BBS9: variants seen among roughly 807,000 people sequenced by gnomAD.
BBS9 encodes protein PTHB1.
A neutral mutation model predicts 117.7 loss-of-function variants in BBS9; 89 were observed. The observed-to-expected ratio is 0.76, with a 90% CI of 0.64 to 0.90. The LOEUF is 0.90. BBS9 is among the 40% of genes least tolerant of loss of function. The pLI is 0.00. For synonymous variants in BBS9, 379 were observed against 370.9 expected (o/e 1.02, Z -0.25); for missense variants, 982 against 1,042.2 (o/e 0.94, Z 0.80).
chr7:33,214,336 C>G (rs1788627048), intron 5 of BBS9, among the ~76,000 whole-genome samples: 1 of 152,134 alleles, frequency 6.6e-6, no homozygotes, highest in African/African-American at 2.4e-5. Flanking sequence ...AGACTCTACA[C>G]TGGGGTATGA....
chr7:33,171,136 G>T (rs886802084), intron 4 of BBS9, among the ~76,000 whole-genome samples: 6 of 152,090 alleles, frequency 3.9e-5, no homozygotes, highest in Non-Finnish European at 7.3e-5. Context: ...AAAAGAGCCC[G>T]CATCGCCAAG....
intron 5 of BBS9, among the ~76,000 whole-genome samples, chr7:33,209,061 T>C (rs1787518718): frequency 7.2e-5 from 11 of 152,176 alleles, no homozygotes. Context: ...CTTTCTATTT[T>C]TTTGTACATT....
At chr7:33,228,096 A>G (rs1791640154) in intron 5 of BBS9, among the ~76,000 whole-genome samples, 1 of 152,188 alleles carries the variant, frequency 6.6e-6, no homozygotes, top group Admixed American at 6.5e-5. Flanking sequence ...TCTCACCAGC[A>G]GTGTAAAAGT....
chr7:33,255,990 C>G (rs1383172544), intron 5 of BBS9, among the ~76,000 whole-genome samples: 2 of 152,018 alleles, frequency 1.3e-5, no homozygotes, highest in Admixed American at 6.6e-5. Flanking sequence ...AACCCTGTCT[C>G]TACTAAAAGT....
chr7:33,618,597 G>A (rs1198801273), intron 21 of BBS9, among the ~76,000 whole-genome samples: 1 of 152,068 alleles, frequency 6.6e-6, no homozygotes, highest in East Asian at 1.9e-4. Flanking sequence ...GCTCACACCT[G>A]TAATCCCAAC....
rs191814955 is a variant in BBS9 at position 33,381,561 on chromosome 7, C to T, written c.1790-2105C>T. 9.4e-3 allele frequency among the ~76,000 whole-genome samples: 1,430 copies of T among 152,130 alleles called. 11 individuals carry two copies. Among genetic ancestry groups the T allele is most frequent in the Admixed American group, 0.014 (217 of 15,286 alleles). On this transcript the variant is annotated intron_variant, in intron 17 of 22. Coordinates refer to ENST00000242067, the MANE Select transcript of BBS9 (RefSeq NM_198428.3). ...TTATCATCATTATTCTCCCATCTAC[C>T]TCTCTACCCCTGCCCCGCCACAACT...
chr7:33,452,196 T>G (rs550767029), intron 19 of BBS9, among the ~76,000 whole-genome samples: 1 of 130,740 alleles, frequency 7.6e-6, no homozygotes, highest in East Asian at 3.6e-4. Context: ...TATTTTTATC[T>G]TTTTTTTTTT....
chr7:33,419,842 C>T (rs1464042930), intron 19 of BBS9, among the ~76,000 whole-genome samples: 2 of 151,934 alleles, frequency 1.3e-5, no homozygotes, highest in Non-Finnish European at 2.9e-5. Context: ...CTTAAAATTA[C>T]CTTGAATTTT....
At chr7:33,613,546 GA>G (rs979270046) in intron 21 of BBS9, among the ~76,000 whole-genome samples, 12 of 151,914 alleles carry the variant, frequency 7.9e-5, no homozygotes, top group African/African-American at 2.9e-4. Context: ...TTGGAAATAT[GA>G]CTTGTATGCA....
chr7:33,625,750 C>T (rs912705653), intron 21 of BBS9, among the ~76,000 whole-genome samples: 3 of 152,118 alleles, frequency 2.0e-5, no homozygotes, highest in African/African-American at 7.2e-5. Context: ...TGATATTTTT[C>T]CTCATAAAGA....
intron 19 of BBS9, among the ~76,000 whole-genome samples, chr7:33,439,627 C>T (rs1197391675): frequency 1.3e-5 from 2 of 149,344 alleles, no homozygotes; most frequent in African/African-American, 5.0e-5. Context: ...CTCCCAGGTT[C>T]AAGCGATTCT....
At chr7:33,208,713 A>G (rs867276990) in intron 5 of BBS9, among the ~76,000 whole-genome samples, 10 of 152,188 alleles carry the variant, frequency 6.6e-5, no homozygotes, top group Non-Finnish European at 1.3e-4. Context: ...TGCAGAAAGT[A>G]TGGATTCAGT....
chr7:33,152,361 T>G (rs946007794), intron 2 of BBS9, among the ~76,000 whole-genome samples: 8 of 152,198 alleles, frequency 5.3e-5, no homozygotes, highest in African/African-American at 1.7e-4. Flanking sequence ...TTGGCCTCTA[T>G]GATGGAATCA....
At chr7:33,199,231 A>T (rs1241875623) in intron 5 of BBS9, among the ~76,000 whole-genome samples, 1 of 151,932 alleles carries the variant, frequency 6.6e-6, no homozygotes, top group Non-Finnish European at 1.5e-5. Context: ...TATTTAGAAT[A>T]GATTATCTGT....
At chr7:33,566,839 C>T (rs2129129543) in intron 21 of BBS9, among the ~76,000 whole-genome samples, 1 of 152,192 alleles carries the variant, frequency 6.6e-6, no homozygotes, top group South Asian at 2.1e-4. Flanking sequence ...AAATTAGAGA[C>T]ACATTTTTCC....
chr7:33,365,342 A>G (rs1821481031), intron 16 of BBS9, among the ~76,000 whole-genome samples: 1 of 152,164 alleles, frequency 6.6e-6, no homozygotes, highest in Admixed American at 6.5e-5. Flanking sequence ...TTCTATGGGA[A>G]GGTCAAGGGT....
At chr7:33,379,216 T>C (rs1448484312) in intron 17 of BBS9, among the ~76,000 whole-genome samples, 1 of 152,240 alleles carries the variant, frequency 6.6e-6, no homozygotes, top group Admixed American at 6.5e-5. Context: ...GATTTCCCCA[T>C]GGCTTGCTCC....
At chr7:33,560,061 C>G (rs1855864488) in intron 21 of BBS9, among the ~76,000 whole-genome samples, 1 of 152,160 alleles carries the variant, frequency 6.6e-6, no homozygotes, top group Non-Finnish European at 1.5e-5. Context: ...GATACCGTAT[C>G]TGGGATTGCA....
intron 21 of BBS9, among the ~76,000 whole-genome samples, chr7:33,616,330 TA>T (rs1304167609): frequency 2.7e-5 from 4 of 150,860 alleles, no homozygotes; most frequent in Non-Finnish European, 5.9e-5. Flanking sequence ...GAATTAGGAT[TA>T]TTTTGTTGTT....
Sources: gnomAD v4.1 joint callset for allele counts (sites outside exome capture counted in the v4.1 genomes callset) on GRCh38, gnomAD v4.1.1 for gene constraint, MANE v1.5 for transcripts, NCBI Gene and HGNC (gene_info 2026-07-23, HGNC 2026-07-21) for gene names.